Variants in PEX5L observed in about 807,000 individuals in gnomAD.
The protein encoded by PEX5L is PEX5-related protein.
In PEX5L, 30 loss-of-function variants were observed where a neutral mutation model predicts 84.0. The ratio of observed to expected loss-of-function variants is 0.36; its 90% CI spans 0.27 to 0.48. The LOEUF (loss-of-function observed/expected upper bound fraction) is 0.48, where lower values mean the gene tolerates loss of function less well. PEX5L is among the 20% of genes least tolerant of loss of function. PEX5L has a pLI of 0.99. For missense variants in PEX5L, 533 were observed against 754.6 expected (o/e 0.71, Z 3.44); for synonymous variants, 270 against 283.1 (o/e 0.95, Z 0.46).
intron 1 of PEX5L, among the ~76,000 whole-genome samples, chr3:179,998,966 C>T (rs142730265): frequency 0.041 from 6,202 of 152,256 alleles, 417 homozygotes; most frequent in African/African-American, 0.14. Flanking sequence ...TGGACAGCTG[C>T]AGCACTACAG....
At chr3:179,841,432 C>G (rs1297238318) in intron 8 of PEX5L, among the ~76,000 whole-genome samples, 3 of 152,152 alleles carry the variant, frequency 2.0e-5, no homozygotes, top group Non-Finnish European at 4.4e-5. Context: ...TGAATCCCTT[C>G]TATAGGCACT....
chr3:179,944,568 C>A (rs557734490), intron 2 of PEX5L, among the ~76,000 whole-genome samples: 1 of 152,224 alleles, frequency 6.6e-6, no homozygotes, highest in Non-Finnish European at 1.5e-5. Context: ...ATTCTCATCC[C>A]TTCCTTTTCC....
chr3:179,811,012 C>T (rs1243296284), intron 11 of PEX5L, among the ~76,000 whole-genome samples: 2 of 152,078 alleles, frequency 1.3e-5, no homozygotes, highest in African/African-American at 2.4e-5. Flanking sequence ...TAGGAAAAGG[C>T]TCTGAACGCA....
chr3:180,002,157 G>GAAATAGGAGAAAAGCA (rs1788484615), intron 1 of PEX5L, among the ~76,000 whole-genome samples: 1 of 152,016 alleles, frequency 6.6e-6, no homozygotes, highest in South Asian at 2.1e-4. Context: ...CATTCCTTTG[G>GAAATAGGAGAAAAGCA]TTTCCTTTTT....
At chr3:180,008,488 A>T (rs1405581140) in intron 1 of PEX5L, among the ~76,000 whole-genome samples, 5 of 152,134 alleles carry the variant, frequency 3.3e-5, no homozygotes, top group African/African-American at 1.2e-4. Context: ...CTGCTTCCAC[A>T]TTTTTGGGTA....
intron 2 of PEX5L, among the ~76,000 whole-genome samples, chr3:179,919,817 C>T (rs189577624): frequency 3.2e-4 from 49 of 152,310 alleles, no homozygotes; most frequent in African/African-American, 1.0e-3. Flanking sequence ...ATTCTACTGC[C>T]TCAGCCTCCC....
chr3:179,920,439 A>G lies in PEX5L; in HGVS notation c.94-22193T>C, dbSNP rs1768925914. Among the ~76,000 whole-genome samples the G allele has an allele frequency of 2.0e-5, 3 of 152,226 alleles. No homozygotes were observed. The South Asian group carries it at 6.2e-4, about 32-fold the overall frequency. ...TCTGAAACATCTATTTTTGTGATGCAGAGTTTAAATCAGAAGCATTTGAAA... is the reference window on the plus strand; with the variant it reads ...TCTGAAACATCTATTTTTGTGATGCGGAGTTTAAATCAGAAGCATTTGAAA... On this transcript the variant is annotated intron_variant, in intron 2 of 14. Coordinates refer to ENST00000467460, the MANE Select transcript of PEX5L (RefSeq NM_016559.3).
At chr3:179,820,811 G>T (rs1209062635) in intron 8 of PEX5L, among the ~76,000 whole-genome samples, 1 of 152,200 alleles carries the variant, frequency 6.6e-6, no homozygotes, top group Non-Finnish European at 1.5e-5. Flanking sequence ...TCTTTGGGTG[G>T]CCCAAGGGGC....
intron 2 of PEX5L, among the ~76,000 whole-genome samples, chr3:179,958,720 A>G (rs775689364): frequency 1.4e-4 from 22 of 152,246 alleles, no homozygotes; most frequent in Admixed American, 2.6e-4. Context: ...GGTTAGGGAC[A>G]TTCAGATAAA....
At chr3:180,033,914 T>A (rs1260020513) in intron 1 of PEX5L, among the ~76,000 whole-genome samples, 2 of 152,218 alleles carry the variant, frequency 1.3e-5, no homozygotes, top group Non-Finnish European at 2.9e-5. Flanking sequence ...CTGTAATAGA[T>A]GCCAACTTTT....
At chr3:179,959,934 T>C (rs1383230025) in intron 2 of PEX5L, among the ~76,000 whole-genome samples, 1 of 152,234 alleles carries the variant, frequency 6.6e-6, no homozygotes, top group African/African-American at 2.4e-5. Flanking sequence ...GCCTAGAATA[T>C]ATATAGCAAA....
Position 179,875,597 on chromosome 3 carries a change from T to C in PEX5L, c.506-120A>G, listed in dbSNP as rs113084549. The C allele has an allele frequency of 1.4e-4, 92 of 667,972 alleles. 1 individual carries two copies. The East Asian group carries it at 1.8e-3, about 13-fold the overall frequency. The allele number at this position is 667,972 out of a possible 1,614,324, so 41.4% of individuals were successfully genotyped here. A position where few individuals can be genotyped will look rare whatever the true frequency, so the allele number is the denominator to read the frequency against. ...GCAGAGGGAAAAAGATTAATTAAGATTGAAAAATCTTATCCAAGGGAGCTT... is the reference window on the plus strand; with the variant it reads ...GCAGAGGGAAAAAGATTAATTAAGACTGAAAAATCTTATCCAAGGGAGCTT... On this transcript the variant is annotated intron_variant, in intron 5 of 14. Transcript: ENST00000467460.
intron 2 of PEX5L, among the ~76,000 whole-genome samples, chr3:179,936,394 C>A (rs1045582108): frequency 3.3e-5 from 5 of 152,136 alleles, no homozygotes; most frequent in African/African-American, 9.7e-5. Flanking sequence ...TAAGAGAAAA[C>A]CTATCTCTTG....
At chr3:179,821,278 C>A (rs1377500087) in intron 8 of PEX5L, among the ~76,000 whole-genome samples, 1 of 152,148 alleles carries the variant, frequency 6.6e-6, no homozygotes, top group African/African-American at 2.4e-5. Context: ...TCCTTGAACA[C>A]CTGAATCTGG....
chr3:180,008,058 T>C lies in PEX5L; in HGVS notation c.21+28521A>G, dbSNP rs1260501357. The stretch of plus-strand genomic sequence containing the variant: ...AAATGCCTTTTTCTTTTCTATCACA[T>C]AGTCAGGCAGCAAATTTTCCAAACT... On this transcript the variant is annotated intron_variant, in intron 1 of 14. Transcript: ENST00000467460. Among the ~76,000 whole-genome samples, 3 of 152,110 alleles carry C rather than the reference T, an allele frequency of 2.0e-5. No homozygotes were observed. In the East Asian group the frequency reaches 5.8e-4, roughly 29 times the overall value.
intron 12 of PEX5L, among the ~76,000 whole-genome samples, chr3:179,809,190 A>G (rs1486010406): frequency 1.3e-5 from 2 of 151,364 alleles, no homozygotes; most frequent in East Asian, 3.9e-4. Context: ...TATTTATTAT[A>G]CTTCACCTTG....
At chr3:179,871,718 G>A (rs943643544) in intron 7 of PEX5L, among the ~76,000 whole-genome samples, 3 of 152,226 alleles carry the variant, frequency 2.0e-5, no homozygotes, top group South Asian at 2.1e-4. Context: ...GGCTGTTTCT[G>A]TTCCTCACTT....
At chr3:179,979,548 C>T (rs531959575) in intron 1 of PEX5L, among the ~76,000 whole-genome samples, 65 of 152,142 alleles carry the variant, frequency 4.3e-4, no homozygotes, top group African/African-American at 1.5e-3. Flanking sequence ...CCCTGTCATC[C>T]CCGACACAAC....
intron 8 of PEX5L, among the ~76,000 whole-genome samples, chr3:179,822,017 A>G (rs1171801472): frequency 2.0e-5 from 3 of 152,208 alleles, no homozygotes; most frequent in Non-Finnish European, 2.9e-5. Context: ...ATACCACAAA[A>G]CCTGAATTAT....
Sources: allele counts gnomAD v4.1 joint callset (sites outside exome capture counted in the v4.1 genomes callset), GRCh38; gene constraint gnomAD v4.1.1; transcripts MANE v1.5; gene names NCBI Gene and HGNC (gene_info 2026-07-23, HGNC 2026-07-21).